The following MCM9 variants were observed in gnomAD, a reference collection of about 807,000 sequenced individuals.
MCM9 encodes minichromosome maintenance 9 homologous recombination repair factor, also known as DNA helicase MCM9.
Under a neutral mutation model 72.8 loss-of-function variants are expected in MCM9, and 55 were observed. The observed-to-expected ratio is 0.76, with a 90% CI of 0.61 to 0.95. The LOEUF (loss-of-function observed/expected upper bound fraction) is 0.95, where lower values mean the gene tolerates loss of function less well. MCM9 is among the 40% of genes least tolerant of loss of function. MCM9 has a pLI of 0.00. For synonymous variants in MCM9, 480 were observed against 503.4 expected, an observed-to-expected ratio of 0.95 and a Z score of 0.62; for missense variants, 1,279 against 1,377.0, an observed-to-expected ratio of 0.93 and a Z score of 1.13.
chr6:118,893,899 C>T (rs1779129394), intron 8 of MCM9: 2 of 394,224 alleles, frequency 5.1e-6, no homozygotes, highest in Non-Finnish European at 6.8e-6. Context: ...ACTGGAGGGG[C>T]GGGCGTCGGC....
At chr6:118,847,996 G>A (rs140786655) in intron 9 of MCM9, among the ~76,000 whole-genome samples, 3,987 of 151,842 alleles carry the variant, frequency 0.026, 76 homozygotes, top group Middle Eastern at 0.041. Context: ...AAAATGATTT[G>A]AAACATGGAA....
At chr6:118,900,870 T>G in intron 8 of MCM9, 1 of 1,610,158 alleles carries the variant, frequency 6.2e-7, no homozygotes, top group Non-Finnish European at 8.5e-7. Flanking sequence ...AAGGCATATG[T>G]TTGTATTTCA....
chr6:118,893,982 C>G, intron 8 of MCM9: 7 of 983,482 alleles, frequency 7.1e-6, no homozygotes, highest in Non-Finnish European at 8.5e-6. Flanking sequence ...TCCGCGCCGC[C>G]GCCGGCGGCC....
intron 8 of MCM9, among the ~76,000 whole-genome samples, chr6:118,879,931 CCACTTGGGAGG>C (rs1412347181): frequency 2.0e-5 from 3 of 151,726 alleles, no homozygotes; most frequent in Non-Finnish European, 4.4e-5. Context: ...GTAATCCCAG[CCACTTGGGAGG>C]CAAGGCAAGG....
chr6:118,843,520 C>A (rs1775543858), intron 9 of MCM9, among the ~76,000 whole-genome samples: 1 of 150,128 alleles, frequency 6.7e-6, no homozygotes, highest in African/African-American at 2.5e-5. Context: ...CCCAGCTACT[C>A]AGAAGGCTGA....
intron 13 of MCM9, among the ~76,000 whole-genome samples, chr6:118,817,257 T>G (rs1562396530): frequency 1.3e-5 from 2 of 152,164 alleles, no homozygotes; most frequent in East Asian, 3.9e-4. Context: ...CCACACGCAT[T>G]AGGTATTTGT....
At chr6:118,888,008 C>T (rs1778705917) in intron 8 of MCM9, among the ~76,000 whole-genome samples, 1 of 151,970 alleles carries the variant, frequency 6.6e-6, no homozygotes, top group African/African-American at 2.4e-5. Context: ...ATACATAGGG[C>T]CAATAAGCAT....
Position 118,931,499 on chromosome 6 carries a change from C to A in MCM9, c.225G>T (p.Arg75Ser), listed in dbSNP as rs369648810. The change falls in exon 3 of 14, where the codon AGG becomes AGT. Residue 75 changes from arginine to serine, a missense_variant. Arg to Ser is a moderately radical substitution (Grantham distance 110). Transcript: ENST00000619706. Reference protein sequence around the residue: ...VLTIFDSALRRSALTILQSLS... With the variant: ...VLTIFDSALRSSALTILQSLS... Reference sequence around the variant, plus strand: ...GGGACTGGAGAATTGTCAAGGCTGACCTTCGCAGTGCACTATCAAAAATTG... The same window carrying A: ...GGGACTGGAGAATTGTCAAGGCTGAACTTCGCAGTGCACTATCAAAAATTG... 2 of 1,614,124 alleles carry A rather than the reference C, an allele frequency of 1.2e-6. No homozygotes were observed. Among genetic ancestry groups the A allele is most frequent in the East Asian group, 2.2e-5 (1 of 44,876 alleles).
At chr6:118,911,039 C>G in intron 8 of MCM9, 1 of 984,040 alleles carries the variant, frequency 1.0e-6, no homozygotes, top group Middle Eastern at 5.2e-4. Context: ...TAGCATCAAA[C>G]ATATTTTTTA....
At chr6:118,934,356 A>G (rs1048154347) in intron 1 of MCM9, 4 of 152,208 alleles carry the variant, frequency 2.6e-5, no homozygotes, top group Admixed American at 1.3e-4. Context: ...TTCTTATTGA[A>G]TATTTGGGGT....
intron 5 of MCM9, chr6:118,919,390 A>C (rs1237116395): frequency 6.6e-6 from 1 of 152,204 alleles, no homozygotes; most frequent in East Asian, 1.9e-4. Context: ...CAAAATGTGA[A>C]TGATTATATT....
At chr6:118,873,110 T>C (rs904729023) in intron 8 of MCM9, among the ~76,000 whole-genome samples, 5 of 148,802 alleles carry the variant, frequency 3.4e-5, no homozygotes, top group Non-Finnish European at 7.4e-5. Flanking sequence ...AGGTGCAGAC[T>C]GCAATGAGCT....
intron 8 of MCM9, among the ~76,000 whole-genome samples, chr6:118,891,126 G>T (rs948419021): frequency 1.3e-5 from 2 of 152,160 alleles, no homozygotes; most frequent in African/African-American, 4.8e-5. Flanking sequence ...CTGTAGAGGA[G>T]TCTTGAATCC....
rs774660544 is a variant in MCM9 at position 118,922,034 on chromosome 6, TC to T, written c.673del (p.Glu225LysfsTer4). 13 of 1,612,868 alleles carry T rather than the reference TC, an allele frequency of 8.1e-6. No homozygotes were observed. The highest frequency in any genetic ancestry group is 3.4e-6 in the Non-Finnish European group (4 of 1,179,500). On this transcript the variant is annotated frameshift_variant, in exon 5 of 14. Transcript: ENST00000619706. LOFTEE classifies it high-confidence loss of function. ...SIPRSMKVIL[E>X]DDLVDSCKSG... ...TTTGCAACTATCCACTAAGTCATCT[TC>T]CAGAATAACCTTCATAGATCGTGGA... is the stretch of plus-strand genomic sequence containing the variant.
At chr6:118,894,369 G>A in intron 8 of MCM9, 1 of 1,536,152 alleles carries the variant, frequency 6.5e-7, no homozygotes. Context: ...ACTTTATTGT[G>A]CCGCAACCAG....
chr6:118,823,450 G>A (rs1278229076), intron 13 of MCM9, among the ~76,000 whole-genome samples: 3 of 152,156 alleles, frequency 2.0e-5, no homozygotes, highest in East Asian at 1.9e-4. Flanking sequence ...GTCCCAATGC[G>A]ATGAACTGGG....
At chr6:118,861,854 G>C (rs887130576) in intron 8 of MCM9, among the ~76,000 whole-genome samples, 12 of 152,222 alleles carry the variant, frequency 7.9e-5, no homozygotes, top group African/African-American at 2.9e-4. Flanking sequence ...GGCTTCACCA[G>C]TGACCCACCC....
chr6:118,885,425 G>A (rs1439200225), intron 8 of MCM9, among the ~76,000 whole-genome samples: 1 of 152,092 alleles, frequency 6.6e-6, no homozygotes, highest in Non-Finnish European at 1.5e-5. Context: ...CAATCCTTTA[G>A]TTAGGGTGAC....
At chr6:118,911,114 C>T in intron 8 of MCM9, 1 of 985,358 alleles carries the variant, frequency 1.0e-6, no homozygotes, top group Non-Finnish European at 1.2e-6. Flanking sequence ...ATTCTACCTG[C>T]AAAGGCTTTT....
Sources: gnomAD v4.1 joint callset for allele counts (sites outside exome capture counted in the v4.1 genomes callset) on GRCh38, gnomAD v4.1.1 for gene constraint, MANE v1.5 for transcripts, NCBI Gene and HGNC (gene_info 2026-07-23, HGNC 2026-07-21) for gene names.